PLCB1: variants seen among roughly 807,000 people sequenced by gnomAD.
PLCB1 encodes the protein phospholipase C beta 1, also known as 1-phosphatidylinositol 4,5-bisphosphate phosphodiesterase beta-1.
A neutral mutation model predicts 161.8 loss-of-function variants in PLCB1; 46 were observed. That is an observed-to-expected ratio of 0.28 (90% CI 0.22 to 0.36). The LOEUF is 0.36. PLCB1 is among the 10% of genes least tolerant of loss of function. The pLI is 1.00. For synonymous variants in PLCB1, 517 were observed against 503.7 expected, an observed-to-expected ratio of 1.03 and a Z score of -0.35; for missense variants, 1,016 against 1,472.5, an observed-to-expected ratio of 0.69 and a Z score of 5.07.
In PLCB1 at chr20:8,623,580, A is replaced by G. The variant is rs553062245; in HGVS notation, c.247-4714A>G. ...TCCTCTACCAGCTCGTTTTTTTCCT[A>G]GTATGTACCCATAGTTGCTTTTCTT... is the stretch of plus-strand genomic sequence containing the variant. On this transcript the variant is annotated intron_variant, in intron 3 of 31. Transcript: ENST00000338037. 9.9e-5 allele frequency among the ~76,000 whole-genome samples: 15 copies of G among 152,180 alleles called. No individual in the cohort carries two copies. The East Asian group carries it at 1.9e-3, about 20-fold the overall frequency.
chr20:8,866,397 G>A (rs957588712), intron 31 of PLCB1, among the ~76,000 whole-genome samples: 7 of 152,142 alleles, frequency 4.6e-5, no homozygotes, highest in African/African-American at 1.7e-4. Context: ...CCCTGAATAG[G>A]GAGGCCCCAG....
At chr20:8,734,307 A>G (rs1480763578) in intron 19 of PLCB1, among the ~76,000 whole-genome samples, 1 of 152,016 alleles carries the variant, frequency 6.6e-6, no homozygotes, top group African/African-American at 2.4e-5. Context: ...TGAAATTTAC[A>G]TGATAATTAG....
chr20:8,800,864 T>C (rs1469094608), intron 31 of PLCB1, among the ~76,000 whole-genome samples: 1 of 152,198 alleles, frequency 6.6e-6, no homozygotes, highest in Non-Finnish European at 1.5e-5. Flanking sequence ...ATCTTTATAA[T>C]TGTTGAGTAC....
chr20:8,368,528 C>CAAAAAAAAAAAAAAAAA (rs1216338206), intron 2 of PLCB1, among the ~76,000 whole-genome samples: 3 of 63,806 alleles, frequency 4.7e-5, no homozygotes, highest in Non-Finnish European at 8.8e-5. Flanking sequence ...CTCTGTCTCT[C>CAAAAAAAAAAAAAAAAA]AAAAAAAAAA....
At chr20:8,333,975 G>A (rs1450599340) in intron 2 of PLCB1, among the ~76,000 whole-genome samples, 1 of 152,282 alleles carries the variant, frequency 6.6e-6, no homozygotes, top group African/African-American at 2.4e-5. Flanking sequence ...TTTGGGAAGC[G>A]GAGGCGGACG....
intron 10 of PLCB1, among the ~76,000 whole-genome samples, chr20:8,689,630 T>G (rs1990429400): frequency 6.6e-6 from 1 of 152,144 alleles, no homozygotes; most frequent in Non-Finnish European, 1.5e-5. Flanking sequence ...TTAAGAAAAT[T>G]TTCAATATTA....
chr20:8,146,440 G>C (rs2051455252), intron 1 of PLCB1, among the ~76,000 whole-genome samples: 1 of 152,190 alleles, frequency 6.6e-6, no homozygotes, highest in Non-Finnish European at 1.5e-5. Flanking sequence ...GCCACGTGAA[G>C]TTCACCACAG....
chr20:8,733,808 AATAATAATAAT>A (rs1334727070), intron 19 of PLCB1, among the ~76,000 whole-genome samples: 1 of 147,184 alleles, frequency 6.8e-6, no homozygotes, highest in East Asian at 2.0e-4. Context: ...TAATAATAAT[AATAATAATAAT>A]AATAATAAAA....
intron 3 of PLCB1, among the ~76,000 whole-genome samples, chr20:8,611,839 G>A (rs997524227): frequency 1.2e-4 from 19 of 152,032 alleles, no homozygotes; most frequent in African/African-American, 4.4e-4. Context: ...CTAGCTACTC[G>A]GGAGGCTGAG....
Position 8,152,386 on chromosome 20 carries a change from C to T in PLCB1, c.177+2015C>T, listed in dbSNP as rs117916143. Among the ~76,000 whole-genome samples, 1,030 of 152,204 alleles carry T rather than the reference C, an allele frequency of 6.8e-3. 17 individuals are homozygous for T. The East Asian group carries it at 0.07, about 10-fold the overall frequency. ...GGAACCAGTAAGAGTGATTCATCCACTTTTAGGAGATGGACGACTCCAAGT... is the reference window on the plus strand; with the variant it reads ...GGAACCAGTAAGAGTGATTCATCCATTTTTAGGAGATGGACGACTCCAAGT... On this transcript the variant is annotated intron_variant, in intron 2 of 31. Transcript: ENST00000338037.
At chr20:8,397,572 A>AAC (rs1426390440) in intron 3 of PLCB1, among the ~76,000 whole-genome samples, 4 of 152,102 alleles carry the variant, frequency 2.6e-5, no homozygotes, top group African/African-American at 9.7e-5. Flanking sequence ...AAAATAAGGA[A>AAC]ACACACACAC....
At chr20:8,544,006 T>C (rs1985440254) in intron 3 of PLCB1, among the ~76,000 whole-genome samples, 1 of 152,102 alleles carries the variant, frequency 6.6e-6, no homozygotes, top group African/African-American at 2.4e-5. Flanking sequence ...TACAACATCA[T>C]AACCAGGATA....
chr20:8,318,079 A>G (rs1321616716), intron 2 of PLCB1, among the ~76,000 whole-genome samples: 1 of 152,026 alleles, frequency 6.6e-6, no homozygotes, highest in African/African-American at 2.4e-5. Context: ...TTCATAAGTA[A>G]AATGGCAGTT....
intron 2 of PLCB1, among the ~76,000 whole-genome samples, chr20:8,318,520 C>G (rs558780325): frequency 6.7e-6 from 1 of 150,098 alleles, no homozygotes; most frequent in South Asian, 2.2e-4. Flanking sequence ...ATTAGGACAG[C>G]GCTGAGATTG....
At chr20:8,297,896 T>G (rs1046829602) in intron 2 of PLCB1, among the ~76,000 whole-genome samples, 12 of 151,728 alleles carry the variant, frequency 7.9e-5, no homozygotes, top group Non-Finnish European at 1.6e-4. Context: ...TTTTGGGTTT[T>G]TTTTTTTTTT....
intron 3 of PLCB1, among the ~76,000 whole-genome samples, chr20:8,573,784 C>A (rs2123057740): frequency 6.6e-6 from 1 of 152,290 alleles, no homozygotes; most frequent in Admixed American, 6.5e-5. Flanking sequence ...TTTGGAGTAT[C>A]AGTGGGTGAT....
chr20:8,505,597 G>A (rs375482460), intron 3 of PLCB1, among the ~76,000 whole-genome samples: 29 of 152,328 alleles, frequency 1.9e-4, no homozygotes, highest in Middle Eastern at 3.4e-3. Flanking sequence ...TTACTGTACC[G>A]TCAAGTGAAA....
intron 7 of PLCB1, among the ~76,000 whole-genome samples, chr20:8,650,354 G>A (rs375376889): frequency 9.2e-5 from 14 of 152,010 alleles, no homozygotes; most frequent in Non-Finnish European, 1.9e-4. Context: ...AATTACCACC[G>A]CTTTCCACGG....
intron 31 of PLCB1, chr20:8,792,818 G>A: frequency 5.7e-6 from 2 of 353,278 alleles, no homozygotes; most frequent in Non-Finnish European, 1.1e-5. Context: ...GTTAATAAAG[G>A]GAAATGACAA....
Sources: gnomAD v4.1 joint callset for allele counts (sites outside exome capture counted in the v4.1 genomes callset) on GRCh38, gnomAD v4.1.1 for gene constraint, MANE v1.5 for transcripts, NCBI Gene and HGNC (gene_info 2026-07-23, HGNC 2026-07-21) for gene names.